GABRG1: variants seen among roughly 807,000 people sequenced by gnomAD.
GABRG1 encodes gamma-aminobutyric acid receptor subunit gamma-1.
GABRG1 carries 49 observed loss-of-function variants against 49.8 expected under a neutral mutation model. The ratio of observed to expected loss-of-function variants is 0.98; its 90% CI spans 0.78 to 1.25. GABRG1 has a LOEUF of 1.25. Among genes scored for constraint, GABRG1 ranks in the 50% most tolerant of loss-of-function variants. The probability of loss-of-function intolerance (pLI) is 0.00; values close to 1 mark genes in which losing one functional copy is unlikely to be tolerated. For missense variants in GABRG1, 552 were observed against 552.3 expected (o/e 1.00, Z 0.01); for synonymous variants, 232 against 185.1 (o/e 1.25, Z -2.06).
At chr4:46,100,880 T>C (rs1560370789) in intron 1 of GABRG1, among the ~76,000 whole-genome samples, 2 of 151,354 alleles carry the variant, frequency 1.3e-5, no homozygotes. Flanking sequence ...GTTTCGGCAA[T>C]AACATAAAAG....
At chr4:46,091,688 A>G (rs1422926278) in intron 2 of GABRG1, among the ~76,000 whole-genome samples, 2 of 152,056 alleles carry the variant, frequency 1.3e-5, no homozygotes, top group Non-Finnish European at 2.9e-5. Flanking sequence ...AGAGCGTATG[A>G]GATGTAATGA....
chr4:46,117,550 G>GTC (rs373546541), intron 1 of GABRG1, among the ~76,000 whole-genome samples: 16,315 of 116,484 alleles, frequency 0.14, 1,011 homozygotes, highest in Non-Finnish European at 0.14. Context: ...TGTTATCTCT[G>GTC]TCTCTCTCTC....
chr4:46,091,198 C>A (rs1719977601), intron 2 of GABRG1, among the ~76,000 whole-genome samples: 1 of 152,046 alleles, frequency 6.6e-6, no homozygotes, highest in African/African-American at 2.4e-5. Flanking sequence ...TCAGTCCAGA[C>A]ATCTCAAATG....
intron 8 of GABRG1, among the ~76,000 whole-genome samples, chr4:46,049,791 G>A (rs1452379221): frequency 6.6e-6 from 1 of 151,860 alleles, no homozygotes; most frequent in Non-Finnish European, 1.5e-5. Context: ...TGGAACTTTG[G>A]CTGAGTGTAC....
intron 3 of GABRG1, among the ~76,000 whole-genome samples, chr4:46,077,511 G>A (rs1719398370): frequency 6.6e-6 from 1 of 151,760 alleles, no homozygotes; most frequent in Non-Finnish European, 1.5e-5. Context: ...TCTTGGTTGA[G>A]TATGTATTTC....
chr4:46,043,164 C>T (rs1194934395), intron 8 of GABRG1, among the ~76,000 whole-genome samples: 3 of 151,740 alleles, frequency 2.0e-5, no homozygotes, highest in Non-Finnish European at 2.9e-5. Context: ...ATATATGAAA[C>T]GGCATTATCA....
At chr4:46,120,401 T>TAGCCATAA (rs1721058965) in intron 1 of GABRG1, among the ~76,000 whole-genome samples, 1 of 151,784 alleles carries the variant, frequency 6.6e-6, no homozygotes. Context: ...TCTTGTTCCT[T>TAGCCATAA]AGCCATAAGT....
At chr4:46,065,647 A>G (rs1718887753) in intron 3 of GABRG1, 63 bp from the exon 4 acceptor site, 1 of 799,712 alleles carries the variant, frequency 1.3e-6, no homozygotes, top group African/African-American at 1.8e-5. Flanking sequence ...TTTTCTCGAA[A>G]GTTTGAATTT....
intron 2 of GABRG1, among the ~76,000 whole-genome samples, chr4:46,086,921 G>A (rs963105610): frequency 2.0e-5 from 3 of 149,538 alleles, no homozygotes; most frequent in African/African-American, 7.4e-5. Context: ...AGAAAGCAAA[G>A]GAATAAAAGA....
chr4:46,060,428 AG>A (rs1193925003), intron 5 of GABRG1, among the ~76,000 whole-genome samples: 1 of 152,186 alleles, frequency 6.6e-6, no homozygotes, highest in African/African-American at 2.4e-5. Context: ...CAATGTCCTC[AG>A]GTCAAAATCG....
In GABRG1 at chr4:46,069,407, A is replaced by G. The variant is rs567209410; in HGVS notation, c.322-3823T>C. ...GGACAATTAAATACCTTTAGTGGTAAAATTTTATAGGTATCAGCTCCAGTT... is the reference window on the plus strand; with the variant it reads ...GGACAATTAAATACCTTTAGTGGTAGAATTTTATAGGTATCAGCTCCAGTT... On this transcript the variant is annotated intron_variant, in intron 3 of 8. Coordinates refer to ENST00000295452, the MANE Select transcript of GABRG1 (RefSeq NM_173536.4). Among the ~76,000 whole-genome samples the G allele has an allele frequency of 1.4e-3, 208 of 152,208 alleles. 1 individual carries two copies. The highest frequency in any genetic ancestry group is 1.9e-3 in the Non-Finnish European group (128 of 67,982).
intron 1 of GABRG1, among the ~76,000 whole-genome samples, chr4:46,113,751 C>T (rs1720790973): frequency 6.6e-6 from 1 of 151,038 alleles, no homozygotes; most frequent in African/African-American, 2.4e-5. Context: ...ATGGACATAT[C>T]ACAAGTTTCT....
intron 8 of GABRG1, among the ~76,000 whole-genome samples, chr4:46,050,295 T>C (rs1398722718): frequency 4.0e-5 from 6 of 151,868 alleles, no homozygotes; most frequent in Non-Finnish European, 1.5e-5. Flanking sequence ...TGGAATATTG[T>C]GGGTATCTGA....
At chr4:46,118,712 T>C (rs749637873) in intron 1 of GABRG1, among the ~76,000 whole-genome samples, 3 of 151,262 alleles carry the variant, frequency 2.0e-5, no homozygotes, top group Non-Finnish European at 4.4e-5. Context: ...GAGTATTTAC[T>C]GAATGAATTA....
At position 46,036,910 on chromosome 4, in the gene GABRG1, C is replaced by T; in HGVS notation, c.*4078G>A. ...TCTCAGTTTATTGTTCTAACCTAAC[C>T]TTTCATTGTCTCTATATGAATCTTA... On this transcript the variant is annotated 3_prime_UTR_variant, in exon 9 of 9. Coordinates refer to ENST00000295452, the MANE Select transcript of GABRG1 (RefSeq NM_173536.4). 1 of 151,818 alleles carries T rather than the reference C, an allele frequency of 6.6e-6. No homozygotes were observed. Among genetic ancestry groups the T allele is most frequent in the East Asian group, 1.9e-4 (1 of 5,178 alleles). The allele number at this position is 151,818 out of a possible 1,614,324, so 9.4% of individuals were successfully genotyped here. A position where few individuals can be genotyped will look rare whatever the true frequency, so the allele number is the denominator to read the frequency against.
chr4:46,117,791 CAT>C (rs1404067347), intron 1 of GABRG1, among the ~76,000 whole-genome samples: 8 of 134,968 alleles, frequency 5.9e-5, no homozygotes, highest in African/African-American at 1.4e-4. Flanking sequence ...CATGTATATA[CAT>C]ATATACATAT....
At chr4:46,113,454 C>T (rs1021610496) in intron 1 of GABRG1, among the ~76,000 whole-genome samples, 1 of 150,968 alleles carries the variant, frequency 6.6e-6, no homozygotes, top group Non-Finnish European at 1.5e-5. Context: ...TTCACCTGGT[C>T]TCTCTCTTGA....
chr4:46,122,625 C>G (rs150369917), intron 1 of GABRG1, among the ~76,000 whole-genome samples: 1 of 151,956 alleles, frequency 6.6e-6, no homozygotes, highest in Admixed American at 6.6e-5. Flanking sequence ...TACTTTAATC[C>G]AATCTCTATT....
intron 1 of GABRG1, among the ~76,000 whole-genome samples, chr4:46,098,471 A>G (rs143300694): frequency 4.7e-4 from 71 of 151,888 alleles, no homozygotes; most frequent in African/African-American, 1.7e-3. Flanking sequence ...CTCAAACAGT[A>G]AATACTTAAT....
Sources: gnomAD v4.1 joint callset for allele counts (sites outside exome capture counted in the v4.1 genomes callset) on GRCh38, gnomAD v4.1.1 for gene constraint, MANE v1.5 for transcripts, NCBI Gene and HGNC (gene_info 2026-07-23, HGNC 2026-07-21) for gene names.